The following FER variants were observed in gnomAD, a reference collection of about 807,000 sequenced individuals.
FER encodes the protein tyrosine-protein kinase Fer.
Under a neutral mutation model 111.0 loss-of-function variants are expected in FER, and 63 were observed. The observed-to-expected ratio is 0.57, with a 90% confidence interval of 0.46 to 0.70. The LOEUF is 0.70. FER is among the 30% of genes least tolerant of loss of function. FER has a pLI of 0.00. For synonymous variants in FER, 327 were observed against 313.9 expected (o/e 1.04, Z -0.44); for missense variants, 914 against 954.0 (o/e 0.96, Z 0.55).
Position 108,783,796 on chromosome 5 carries a change from A to G in FER, c.-59-14328A>G, listed in dbSNP as rs114001397. Among the ~76,000 whole-genome samples the G allele has an allele frequency of 8.4e-4, 128 of 151,986 alleles. 1 individual carries two copies. Among genetic ancestry groups the G allele is most frequent in the African/African-American group, 2.9e-3 (120 of 41,480 alleles). On this transcript the variant is annotated intron_variant, in intron 2 of 19. Coordinates refer to ENST00000281092, the MANE Select transcript of FER (RefSeq NM_005246.4). ...TCTTAGGCTGAGTTAGTGTATATCT[A>G]TTGCTGGGGAAGGGATGGGCTGGGA...
At chr5:109,119,415 A>G (rs990149471) in intron 17 of FER, among the ~76,000 whole-genome samples, 4 of 151,926 alleles carry the variant, frequency 2.6e-5, no homozygotes, top group Non-Finnish European at 4.4e-5. Flanking sequence ...TGCTGAGGAG[A>G]GCTTTACTTC....
At chr5:108,767,177 G>A (rs887360216) in intron 1 of FER, among the ~76,000 whole-genome samples, 2 of 152,098 alleles carry the variant, frequency 1.3e-5, no homozygotes, top group Non-Finnish European at 1.5e-5. Flanking sequence ...GGTGGTGCAT[G>A]CCTGTAATCC....
intron 11 of FER, among the ~76,000 whole-genome samples, chr5:108,954,035 A>G (rs1245704125): frequency 6.6e-6 from 1 of 152,128 alleles, no homozygotes; most frequent in Non-Finnish European, 1.5e-5. Context: ...AAAATAACAG[A>G]GAATTTGCTT....
At chr5:109,094,031 C>G (rs1198663458) in intron 16 of FER, among the ~76,000 whole-genome samples, 1 of 152,010 alleles carries the variant, frequency 6.6e-6, no homozygotes, top group Non-Finnish European at 1.5e-5. Flanking sequence ...AGTCGAACTT[C>G]TTTGCCTTGG....
intron 17 of FER, among the ~76,000 whole-genome samples, chr5:109,143,123 G>A (rs1753701680): frequency 6.6e-6 from 1 of 152,114 alleles, no homozygotes; most frequent in African/African-American, 2.4e-5. Flanking sequence ...CAGGGTCAGT[G>A]AAAAATGCTA....
chr5:109,017,665 T>A (rs1011281003), intron 13 of FER, among the ~76,000 whole-genome samples: 22 of 152,110 alleles, frequency 1.4e-4, no homozygotes, highest in Non-Finnish European at 2.5e-4. Flanking sequence ...TGACTAGTTT[T>A]GGAGGATATA....
chr5:109,081,665 C>T (rs571980722), intron 16 of FER, among the ~76,000 whole-genome samples: 1 of 152,074 alleles, frequency 6.6e-6, no homozygotes, highest in East Asian at 1.9e-4. Context: ...AGTGGTAGTA[C>T]TGACTTAGCA....
At chr5:108,882,599 A>G (rs1765789370) in intron 8 of FER, among the ~76,000 whole-genome samples, 1 of 151,742 alleles carries the variant, frequency 6.6e-6, no homozygotes, top group Admixed American at 6.6e-5. Flanking sequence ...CGCTGCAGGT[A>G]TTTCTTCAGG....
chr5:109,075,810 G>A lies in FER; in HGVS notation c.1925-24586G>A, dbSNP rs557453922. Among the ~76,000 whole-genome samples the A allele has an allele frequency of 7.9e-5, 12 of 152,198 alleles. No individual in the cohort carries two copies. In the East Asian group the frequency reaches 2.3e-3, roughly 29 times the overall value. On this transcript the variant is annotated intron_variant, in intron 16 of 19. Coordinates refer to ENST00000281092, the MANE Select transcript of FER (RefSeq NM_005246.4). ...TGGAAGCTAATCATAGTTAGAGCTT[G>A]CAATAAATATATTTTGTAAAAAGGA...
rs115352635 is a variant in FER at position 109,094,461 on chromosome 5, A to G, written c.1925-5935A>G. Among the ~76,000 whole-genome samples, 460 of 152,256 alleles carry G rather than the reference A, an allele frequency of 3.0e-3. 1 individual carries two copies. Among genetic ancestry groups the G allele is most frequent in the African/African-American group, 0.01 (434 of 41,568 alleles). Reference sequence around the variant, plus strand: ...TTTTCAGATTTGGAATGCTCGACCAATCTGTAATGCAAATATTCCAAAATC... The same window carrying G: ...TTTTCAGATTTGGAATGCTCGACCAGTCTGTAATGCAAATATTCCAAAATC... On this transcript the variant is annotated intron_variant, in intron 16 of 19. Transcript: ENST00000281092.
chr5:108,894,331 G>A, intron 9 of FER: 1 of 937,986 alleles, frequency 1.1e-6, no homozygotes, highest in Non-Finnish European at 1.4e-6. Context: ...AAGGGGAAGA[G>A]GAGGAGGAGC....
intron 16 of FER, among the ~76,000 whole-genome samples, chr5:109,094,553 G>T (rs569523717): frequency 2.5e-4 from 38 of 152,188 alleles, no homozygotes; most frequent in African/African-American, 9.2e-4. Flanking sequence ...TAGAACAGTG[G>T]TTGACAAATT....
intron 13 of FER, among the ~76,000 whole-genome samples, chr5:108,962,508 C>T: frequency 6.6e-6 from 1 of 152,132 alleles, no homozygotes; most frequent in East Asian, 1.9e-4. Flanking sequence ...TATTTTTAAT[C>T]ATTTGTCTCT....
At chr5:109,008,692 AATAG>A (rs1765813001) in intron 13 of FER, among the ~76,000 whole-genome samples, 1 of 152,160 alleles carries the variant, frequency 6.6e-6, no homozygotes, top group Non-Finnish European at 1.5e-5. Flanking sequence ...CTTAAACAAT[AATAG>A]CAGGCCGGGC....
At chr5:109,007,655 GTTTA>G (rs1765673903) in intron 13 of FER, among the ~76,000 whole-genome samples, 2 of 152,188 alleles carry the variant, frequency 1.3e-5, no homozygotes, top group Admixed American at 6.5e-5. Flanking sequence ...ACCACCATTT[GTTTA>G]TTCATTCCTC....
chr5:108,983,774 A>T (rs1174423492), intron 13 of FER, among the ~76,000 whole-genome samples: 1 of 152,132 alleles, frequency 6.6e-6, no homozygotes, highest in Non-Finnish European at 1.5e-5. Flanking sequence ...CCTGATTTCA[A>T]GTCCTTCTAG....
chr5:108,976,365 TC>T (rs1761338422), intron 13 of FER, among the ~76,000 whole-genome samples: 3 of 152,208 alleles, frequency 2.0e-5, no homozygotes, highest in Non-Finnish European at 4.4e-5. Flanking sequence ...TTATGATACT[TC>T]TTTTGCTTTT....
chr5:109,016,989 T>C (rs1767232057), intron 13 of FER, among the ~76,000 whole-genome samples: 1 of 152,064 alleles, frequency 6.6e-6, no homozygotes, highest in Non-Finnish European at 1.5e-5. Context: ...AAGAAGGCAG[T>C]CTGCAATCCA....
chr5:108,927,923 GT>G (rs1479407765), intron 10 of FER, among the ~76,000 whole-genome samples: 2 of 152,182 alleles, frequency 1.3e-5, no homozygotes, highest in African/African-American at 4.8e-5. Flanking sequence ...TCTTGTTTCT[GT>G]TGAGTAACTA....
Sources: allele counts gnomAD v4.1 joint callset (sites outside exome capture counted in the v4.1 genomes callset), GRCh38; gene constraint gnomAD v4.1.1; transcripts MANE v1.5; gene names NCBI Gene and HGNC (gene_info 2026-07-23, HGNC 2026-07-21).